The following CAB39L variants were observed in gnomAD, a reference collection of about 807,000 sequenced individuals.
The protein encoded by CAB39L is calcium binding protein 39 like, also known as calcium-binding protein 39-like.
In CAB39L, 23 loss-of-function variants were observed where a neutral mutation model predicts 39.1. That is an observed-to-expected ratio of 0.59 (90% CI 0.42 to 0.83). CAB39L has a LOEUF of 0.83. Among genes scored for constraint, CAB39L ranks in the 40% least tolerant of loss-of-function variants. The probability of loss-of-function intolerance (pLI) is 0.00; values close to 1 mark genes in which losing one functional copy is unlikely to be tolerated. For missense variants in CAB39L, 366 were observed against 391.9 expected (o/e 0.93, Z 0.56); for synonymous variants, 126 against 137.2 (o/e 0.92, Z 0.57).
At chr13:49,361,529 A>C (rs1053075095) in intron 5 of CAB39L, among the ~76,000 whole-genome samples, 1 of 145,768 alleles carries the variant, frequency 6.9e-6, no homozygotes, top group African/African-American at 2.5e-5. Context: ...AGAGAGAGAG[A>C]GAGACAGAAA....
At chr13:49,441,224 T>TATATATATATATATATATATATATATA (rs1566144899) in intron 1 of CAB39L, among the ~76,000 whole-genome samples, 4 of 105,300 alleles carry the variant, frequency 3.8e-5, no homozygotes, top group African/African-American at 2.1e-4. Context: ...ATTTAGTGTA[T>TATATATATATATATATATATATATATA]ATATATATAT....
intron 2 of CAB39L, 126 bp downstream of exon 2, chr13:49,433,960 C>A: frequency 3.1e-6 from 1 of 326,688 alleles, no homozygotes. Context: ...CTTTTCTACT[C>A]CACCACTTTT....
intron 2 of CAB39L, 115 bp downstream of exon 2, chr13:49,433,971 A>C: frequency 3.0e-6 from 1 of 334,896 alleles, no homozygotes; most frequent in Non-Finnish European, 5.8e-6. Context: ...CACCACTTTT[A>C]GTTCGCACCT....
Position 49,316,907 on chromosome 13 carries a change from T to C in CAB39L, c.835-5914A>G, listed in dbSNP as rs148129986. On this transcript the variant is annotated intron_variant, in intron 10 of 10. Transcript: ENST00000409308. The stretch of plus-strand genomic sequence containing the variant: ...CTTAGGGATATAGAGGAGAACGCCA[T>C]GTGAAGATGGAAACAGAGATGCTTC... Among the ~76,000 whole-genome samples, 32 of 152,248 alleles carry C rather than the reference T, an allele frequency of 2.1e-4. 1 individual carries two copies. In the East Asian group the frequency reaches 5.6e-3, roughly 27 times the overall value.
intron 7 of CAB39L, among the ~76,000 whole-genome samples, chr13:49,348,484 C>T (rs985956691): frequency 2.0e-5 from 3 of 152,146 alleles, no homozygotes; most frequent in East Asian, 1.9e-4. Flanking sequence ...GGGAGGATCA[C>T]CTGAGCCTGG....
At chr13:49,429,619 A>T (rs1254482364) in intron 3 of CAB39L, among the ~76,000 whole-genome samples, 2 of 152,186 alleles carry the variant, frequency 1.3e-5, no homozygotes, top group Non-Finnish European at 2.9e-5. Flanking sequence ...CTATATGCTG[A>T]TTTCTAAAAG....
At chr13:49,441,343 A>T (rs540234826) in intron 1 of CAB39L, among the ~76,000 whole-genome samples, 2 of 151,730 alleles carry the variant, frequency 1.3e-5, no homozygotes, top group African/African-American at 2.4e-5. Flanking sequence ...GGGAAGCCAA[A>T]GCAGGAGGAT....
At chr13:49,334,811 C>A (rs1298916823) in intron 9 of CAB39L, among the ~76,000 whole-genome samples, 1 of 152,136 alleles carries the variant, frequency 6.6e-6, no homozygotes, top group Non-Finnish European at 1.5e-5. Flanking sequence ...AAGCTACAAT[C>A]CATTACATAT....
At chr13:49,432,970 A>G (rs1011738727) in intron 3 of CAB39L, among the ~76,000 whole-genome samples, 1 of 152,220 alleles carries the variant, frequency 6.6e-6, no homozygotes, top group Non-Finnish European at 1.5e-5. Context: ...GGATGCCCCC[A>G]AAGTATTCAA....
At chr13:49,442,775 G>A (rs1459699285) in intron 1 of CAB39L, among the ~76,000 whole-genome samples, 1 of 109,672 alleles carries the variant, frequency 9.1e-6, no homozygotes, top group African/African-American at 4.2e-5. Context: ...TAGGCGACAA[G>A]AGACTCCATC....
intron 3 of CAB39L, among the ~76,000 whole-genome samples, chr13:49,427,654 A>G (rs1957263951): frequency 6.6e-6 from 1 of 152,116 alleles, no homozygotes; most frequent in Non-Finnish European, 1.5e-5. Context: ...GCATCACTGC[A>G]CTCCAGCCTG....
intron 6 of CAB39L, among the ~76,000 whole-genome samples, chr13:49,355,273 T>C (rs1049607738): frequency 2.6e-5 from 4 of 151,790 alleles, no homozygotes; most frequent in Non-Finnish European, 5.9e-5. Context: ...TCCCGGCTAT[T>C]TGGGAGGCTG....
chr13:49,382,866 T>C lies in CAB39L; in HGVS notation c.45A>G (p.Ala15=). The part of the protein sequence containing the change: ...PLFSKSHKNP[A]EIVKILKDNL... ...TGTCTTTCAGGATTTTCACAATTTC[T>C]GCTGGATTTTTGTGTGATTTACTAA... The change falls in exon 4 of 11, where the codon GCA becomes GCG. Residue 15 remains alanine, a synonymous_variant. Transcript: ENST00000409308. The C allele has an allele frequency of 6.2e-7, 1 of 1,612,096 alleles. No individual in the cohort carries two copies. The highest frequency in any genetic ancestry group is 1.1e-5 in the South Asian group (1 of 90,760).
rs777940622 is a variant in CAB39L, at chr13:49,329,534, T to TAAAAAA, written c.834+2407_834+2412dup. 3.1e-3 allele frequency among the ~76,000 whole-genome samples: 54 copies of TAAAAAA among 17,402 alleles called. 1 individual carries two copies. Among genetic ancestry groups the TAAAAAA allele is most frequent in the Non-Finnish European group, 3.7e-3 (42 of 11,260 alleles). The allele number at this position is 17,402 out of a possible 152,430, so 11.4% of individuals were successfully genotyped here. ...ACCTTGTCCTACATATCTCTTCAAT[T>TAAAAAA]AAAAAAAAAAATATATATATATATA... is the stretch of plus-strand genomic sequence containing the variant. On this transcript the variant is annotated intron_variant, in intron 10 of 10. Transcript: ENST00000409308.
chr13:49,395,669 G>A (rs897821058), intron 3 of CAB39L, among the ~76,000 whole-genome samples: 7 of 152,278 alleles, frequency 4.6e-5, no homozygotes, highest in Admixed American at 3.3e-4. Flanking sequence ...CTCACACCCT[G>A]TAGATTTTGT....
intron 5 of CAB39L, among the ~76,000 whole-genome samples, chr13:49,368,540 G>GA (rs988715164): frequency 2.0e-5 from 3 of 151,390 alleles, no homozygotes; most frequent in Non-Finnish European, 4.4e-5. Flanking sequence ...GAAGTGGCCA[G>GA]AAAAAAAAGA....
At chr13:49,311,547 G>A (rs1024095183) in intron 10 of CAB39L, among the ~76,000 whole-genome samples, 1 of 152,180 alleles carries the variant, frequency 6.6e-6, no homozygotes, top group Non-Finnish European at 1.5e-5. Context: ...ATCGTAGGAG[G>A]TGACACCTCC....
intron 6 of CAB39L, among the ~76,000 whole-genome samples, chr13:49,357,373 GACATT>G (rs1447657221): frequency 1.6e-4 from 25 of 152,098 alleles, no homozygotes; most frequent in Non-Finnish European, 3.2e-4. Context: ...CATAAGTAAA[GACATT>G]ACAACAGCTG....
At chr13:49,406,607 CCTA>C (rs1956886230) in intron 3 of CAB39L, among the ~76,000 whole-genome samples, 1 of 151,786 alleles carries the variant, frequency 6.6e-6, no homozygotes, top group Non-Finnish European at 1.5e-5. Flanking sequence ...AATATATACA[CCTA>C]CTATGTACCC....
Sources: allele counts gnomAD v4.1 joint callset (sites outside exome capture counted in the v4.1 genomes callset), GRCh38; gene constraint gnomAD v4.1.1; transcripts MANE v1.5; gene names NCBI Gene and HGNC (gene_info 2026-07-23, HGNC 2026-07-21).